SYTL2: variants seen among roughly 807,000 people sequenced by gnomAD.
The protein encoded by SYTL2 is synaptotagmin like 2.
A neutral mutation model predicts 198.7 loss-of-function variants in SYTL2; 165 were observed. The observed-to-expected ratio is 0.83, with a 90% confidence interval of 0.73 to 0.94. The LOEUF (loss-of-function observed/expected upper bound fraction) is 0.94. Ranked by LOEUF, SYTL2 falls within the 40% of genes least tolerant of loss-of-function variation. The probability of loss-of-function intolerance (pLI) is 0.00; values close to 1 mark genes in which losing one functional copy is unlikely to be tolerated. For synonymous variants in SYTL2, 966 were observed against 917.7 expected (o/e 1.05, Z -0.95); for missense variants, 2,835 against 2,582.8 (o/e 1.10, Z -2.12).
At position 85,724,937 on chromosome 11, in the gene SYTL2, C is replaced by A. The variant is rs1202108756; in HGVS notation, c.4421G>T (p.Gly1474Val). 2 of 1,613,962 alleles carry A rather than the reference C, an allele frequency of 1.2e-6. No individual in the cohort carries two copies. Among genetic ancestry groups the A allele is most frequent in the Non-Finnish European group, 1.7e-6 (2 of 1,179,944 alleles). ...FASIVAQYGK[G>V]LPQEVEEIVR... is the part of the protein sequence containing the mutation. ...AATTTCTTCCACTTCCTGAGGGAGG[C>A]CTTTGCCATATTGAGCAACAATGGA... The change falls in exon 8 of 20, where the codon GGC (glycine) becomes GTC (valine). Residue 1474 changes from glycine (G) to valine (V), a missense_variant. Gly to Val is a moderately radical substitution (Grantham distance 109). This residue lies in a region of SYTL2 where 2,645 missense variants were observed against 2,381.7 expected (regional missense o/e 1.11). Transcript: ENST00000359152.
chr11:85,701,802 C>T (rs770217001), intron 16 of SYTL2, among the ~76,000 whole-genome samples: 11 of 152,164 alleles, frequency 7.2e-5, no homozygotes, highest in Non-Finnish European at 1.2e-4. Flanking sequence ...AAACTAATAA[C>T]AATTTAAAAG....
At chr11:85,762,972 A>T (rs1033784960) in intron 1 of SYTL2, among the ~76,000 whole-genome samples, 1 of 152,142 alleles carries the variant, frequency 6.6e-6, no homozygotes, top group African/African-American at 2.4e-5. Flanking sequence ...TGATGAACAC[A>T]GGTGGAAGGG....
the SYTL2 span, among the ~76,000 whole-genome samples, chr11:85,820,762 G>T: frequency 6.6e-6 from 1 of 152,160 alleles, no homozygotes; most frequent in Non-Finnish European, 1.5e-5. Flanking sequence ...ACAAGAAAAC[G>T]TTCTACATCT....
At chr11:85,823,575 GTTTC>G in the SYTL2 span, among the ~76,000 whole-genome samples, 5 of 151,938 alleles carry the variant, frequency 3.3e-5, no homozygotes, top group East Asian at 1.9e-4. Flanking sequence ...TTCCCTTTTT[GTTTC>G]TTTAAGTTTC....
the SYTL2 span, among the ~76,000 whole-genome samples, chr11:85,829,494 G>C: frequency 6.6e-6 from 1 of 152,128 alleles, no homozygotes; most frequent in East Asian, 1.9e-4. Context: ...GCTATTGTGA[G>C]TACTGTTGAA....
In SYTL2 at chr11:85,726,443, T is replaced by C. The variant is rs1253101459; in HGVS notation, c.2915A>G (p.Asn972Ser). ...MSLKERMDEPNAEQVYNPSQF... is the reference protein window; with the variant it reads ...MSLKERMDEPSAEQVYNPSQF... ...AGAGGGATTATAGACCTGTTCTGCA[T>C]TGGGTTCATCCATTCTTTCTTTTAG... is the stretch of plus-strand genomic sequence containing the variant. The change falls in exon 8 of 20, where the codon AAT (asparagine) becomes AGT (serine). Residue 972 changes from asparagine to serine, a missense_variant. Coordinates refer to ENST00000359152, the MANE Select transcript of SYTL2 (RefSeq NM_206927.4). 3.1e-6 allele frequency: 5 copies of C among 1,613,400 alleles called. No individual in the cohort carries two copies. The highest frequency in any genetic ancestry group is 2.2e-5 in the East Asian group (1 of 44,892).
At chr11:85,780,002 T>C (rs1395344686) in intron 1 of SYTL2, among the ~76,000 whole-genome samples, 1 of 152,152 alleles carries the variant, frequency 6.6e-6, no homozygotes, top group East Asian at 1.9e-4. Context: ...ATCTGCAAAG[T>C]GAGGGAACTA....
intron 7 of SYTL2, among the ~76,000 whole-genome samples, chr11:85,730,271 C>A (rs1012965248): frequency 6.6e-6 from 1 of 152,136 alleles, no homozygotes; most frequent in African/African-American, 2.4e-5. Flanking sequence ...GATACCAAAC[C>A]CTGGCAGAGA....
At chr11:85,695,480 C>T (rs1317564132) in intron 19 of SYTL2, 140 bp from the exon 20 acceptor site, 2 of 581,410 alleles carry the variant, frequency 3.4e-6, no homozygotes, top group Non-Finnish European at 5.9e-6. Flanking sequence ...TGAGACTCAA[C>T]ATAAGGAAGA....
chr11:85,827,910 G>T, the SYTL2 span, among the ~76,000 whole-genome samples: 6 of 152,308 alleles, frequency 3.9e-5, no homozygotes, highest in African/African-American at 1.2e-4. Context: ...ACAAAAAGTT[G>T]CTAGGCAACC....
Position 85,725,197 on chromosome 11 carries a change from A to G in SYTL2, c.4161T>C (p.Ala1387=), listed in dbSNP as rs1158691077. ...LCGEVWLSYP[A]GREVGPGEVN... is the part of the protein sequence containing the mutation. ...CTTCTCCAGGACCTACTTCCCTTCCAGCTGGATAACTTAACCATACTTCTC... is the reference window on the plus strand; with the variant it reads ...CTTCTCCAGGACCTACTTCCCTTCCGGCTGGATAACTTAACCATACTTCTC... The change falls in exon 8 of 20, where the codon GCT becomes GCC. Residue 1387 remains alanine (A), a synonymous_variant. Coordinates refer to ENST00000359152, the MANE Select transcript of SYTL2 (RefSeq NM_206927.4). 2.5e-6 allele frequency: 4 copies of G among 1,614,014 alleles called. No individual in the cohort carries two copies. The highest frequency in any genetic ancestry group is 3.4e-6 in the Non-Finnish European group (4 of 1,180,016).
chr11:85,708,837 ATTTTTTT>A (rs72460497), intron 14 of SYTL2, among the ~76,000 whole-genome samples: 8 of 71,596 alleles, frequency 1.1e-4, no homozygotes, highest in African/African-American at 3.0e-4. Context: ...CTTCTCTGTG[ATTTTTTT>A]TTTTTTTTTT....
chr11:85,760,263 A>C (rs1344120048), intron 1 of SYTL2, among the ~76,000 whole-genome samples: 2 of 152,124 alleles, frequency 1.3e-5, no homozygotes, highest in Non-Finnish European at 2.9e-5. Context: ...AAAAGAAAAA[A>C]CTAAGTATTT....
At chr11:85,752,934 AAAAAAAAAAAAAAAAAAC>A (rs1591905498) in intron 2 of SYTL2, among the ~76,000 whole-genome samples, 1 of 142,096 alleles carries the variant, frequency 7.0e-6, no homozygotes, top group African/African-American at 2.6e-5. Context: ...AAAAAAAAAA[AAAAAAAAAAAAAAAAAAC>A]ACAACTAGGT....
chr11:85,832,687 G>A, the SYTL2 span, among the ~76,000 whole-genome samples: 2 of 152,024 alleles, frequency 1.3e-5, no homozygotes, highest in Non-Finnish European at 2.9e-5. Context: ...CCAGACAAAT[G>A]AGTTGGTCTA....
At chr11:85,788,315 T>C (rs1312707038) in intron 1 of SYTL2, among the ~76,000 whole-genome samples, 2 of 152,208 alleles carry the variant, frequency 1.3e-5, no homozygotes, top group African/African-American at 2.4e-5. Context: ...CTTTATCTTA[T>C]TCAGTCTTCG....
chr11:85,730,171 G>A (rs1388204485), intron 7 of SYTL2, among the ~76,000 whole-genome samples: 2 of 152,168 alleles, frequency 1.3e-5, no homozygotes, highest in Non-Finnish European at 2.9e-5. Context: ...GGTACAAAGA[G>A]GAGCTGGTAC....
chr11:85,714,746 A>C (rs1401313300), intron 11 of SYTL2: 1 of 1,109,334 alleles, frequency 9.0e-7, no homozygotes, highest in African/African-American at 1.6e-5. Flanking sequence ...TAATTTTAAA[A>C]ACATTAGTTT....
At position 85,810,172 on chromosome 11, in the gene SYTL2, C is replaced by T. The variant is rs539983873; in HGVS notation, c.-390+782G>A. ...GATTCATAGCCTGTTCTTATCTAGG[C>T]TTCTATCTCAACCCTGCGCCCAAAG... On this transcript the variant is annotated intron_variant, in intron 1 of 19. Transcript: ENST00000359152. 2.5e-4 allele frequency among the ~76,000 whole-genome samples: 38 copies of T among 152,294 alleles called. No individual in the cohort carries two copies. The South Asian group carries it at 7.7e-3, about 31-fold the overall frequency.
Sources: allele counts gnomAD v4.1 joint callset (sites outside exome capture counted in the v4.1 genomes callset), GRCh38; gene constraint gnomAD v4.1.1; regional missense constraint gnomAD v4.1.1; transcripts MANE v1.5; gene names NCBI Gene and HGNC (gene_info 2026-07-23, HGNC 2026-07-21).